The following WDR47 variants were observed in gnomAD, a reference collection of about 807,000 sequenced individuals.
WDR47 encodes the protein WD repeat domain 47, also known as WD repeat-containing protein 47.
A neutral mutation model predicts 97.2 loss-of-function variants in WDR47; 32 were observed. That is an observed-to-expected ratio of 0.33 (90% CI 0.25 to 0.44). WDR47 has a LOEUF of 0.44. Ranked by LOEUF, WDR47 falls within the 20% of genes least tolerant of loss-of-function variation. The pLI is 1.00. For missense variants in WDR47, 782 were observed against 1,102.3 expected (o/e 0.71, Z 4.11); for synonymous variants, 375 against 373.5 (o/e 1.00, Z -0.05).
chr1:108,978,003 A>C (rs1023158406), intron 13 of WDR47, among the ~76,000 whole-genome samples: 14 of 151,010 alleles, frequency 9.3e-5, no homozygotes, highest in African/African-American at 3.4e-4. Flanking sequence ...AAAAAAAAAG[A>C]ACTCTTTTTA....
At chr1:108,978,304 T>C (rs1426962969) in intron 13 of WDR47, among the ~76,000 whole-genome samples, 6 of 151,498 alleles carry the variant, frequency 4.0e-5, no homozygotes, top group Non-Finnish European at 8.8e-5. Flanking sequence ...TGAAACCCCG[T>C]CTCTACTAAA....
At chr1:109,040,992 A>T (rs1044950836) in intron 1 of WDR47, among the ~76,000 whole-genome samples, 3 of 151,410 alleles carry the variant, frequency 2.0e-5, no homozygotes, top group Non-Finnish European at 4.4e-5. Flanking sequence ...TTCATTATGC[A>T]GAGAAAACCA....
chr1:109,038,129 T>A (rs572139816), intron 1 of WDR47, among the ~76,000 whole-genome samples: 2 of 152,018 alleles, frequency 1.3e-5, no homozygotes, highest in African/African-American at 4.8e-5. Context: ...ATGAGCCACC[T>A]CGCCCAGCCC....
chr1:109,017,098 C>G (rs1661472530), intron 3 of WDR47, among the ~76,000 whole-genome samples: 1 of 152,132 alleles, frequency 6.6e-6, no homozygotes, highest in South Asian at 2.1e-4. Flanking sequence ...GGTGGTAGAA[C>G]AAGAACCTGT....
intron 8 of WDR47, 127 bp downstream of exon 8, chr1:108,995,453 T>C (rs1237737606): frequency 6.4e-6 from 7 of 1,087,570 alleles, no homozygotes; most frequent in African/African-American, 4.8e-5. Context: ...GAAGGCAGAT[T>C]AGGAAAAAAA....
chr1:109,006,353 A>G (rs60993967), intron 5 of WDR47, among the ~76,000 whole-genome samples: 60,807 of 146,056 alleles, frequency 0.42, 12,757 homozygotes, highest in East Asian at 0.68. Context: ...AGATCGCGCC[A>G]TTGCAGTCCA....
chr1:109,041,104 T>C (rs550282415), intron 1 of WDR47, among the ~76,000 whole-genome samples: 29 of 151,556 alleles, frequency 1.9e-4, no homozygotes, highest in African/African-American at 6.5e-4. Context: ...AAAGCCCAAA[T>C]GCCGCCCCGG....
chr1:108,992,404 A>C, intron 8 of WDR47: 1 of 1,605,524 alleles, frequency 6.2e-7, no homozygotes, highest in Non-Finnish European at 8.5e-7. Flanking sequence ...GTATGCATAT[A>C]CGAAAAGCCA....
intron 14 of WDR47, among the ~76,000 whole-genome samples, chr1:108,971,871 C>T (rs938599451): frequency 6.6e-6 from 1 of 152,114 alleles, no homozygotes; most frequent in Non-Finnish European, 1.5e-5. Context: ...TTTCCCTTTT[C>T]TTCTTGACGT....
At chr1:109,022,441 A>G (rs908934755) in intron 2 of WDR47, among the ~76,000 whole-genome samples, 1 of 4,750 alleles carries the variant, frequency 2.1e-4, no homozygotes, top group Non-Finnish European at 4.9e-3. Flanking sequence ...TTACCTTTTC[A>G]AAGTCCGATT....
At chr1:108,989,414 T>C (rs2101849201) in intron 9 of WDR47, among the ~76,000 whole-genome samples, 1 of 152,186 alleles carries the variant, frequency 6.6e-6, no homozygotes, top group East Asian at 1.9e-4. Flanking sequence ...CTTGCAGGAG[T>C]AGGGGGGCAA....
At chr1:109,031,635 T>A (rs1662608138) in intron 1 of WDR47, among the ~76,000 whole-genome samples, 1 of 138,900 alleles carries the variant, frequency 7.2e-6, no homozygotes, top group South Asian at 2.3e-4. Flanking sequence ...TTAAAAATAA[T>A]AAAACATAAA....
At position 109,002,322 on chromosome 1, in the gene WDR47, T is replaced by C. The variant is rs1660276790; in HGVS notation, c.1335A>G (p.Gln445=). ...RYQQHLEQKE[Q]QRQIYQQMLL... is the part of the protein sequence containing the mutation. Reference sequence around the variant, plus strand: ...ACATCTGTTGGTATATCTGCCGCTGTTGCTCCTTCTGTTCTAAATGCTGTT... The same window carrying C: ...ACATCTGTTGGTATATCTGCCGCTGCTGCTCCTTCTGTTCTAAATGCTGTT... Residue 445 remains glutamine (Q), a synonymous_variant, in exon 7 of 15, where the codon CAA becomes CAG. Transcript: ENST00000369962. 3 of 1,613,324 alleles carry C rather than the reference T, an allele frequency of 1.9e-6. No individual in the cohort carries two copies. The highest frequency in any genetic ancestry group is 1.7e-5 in the Admixed American group (1 of 59,966).
At chr1:109,025,871 A>C (rs183505655) in intron 1 of WDR47, among the ~76,000 whole-genome samples, 2 of 152,316 alleles carry the variant, frequency 1.3e-5, no homozygotes, top group Non-Finnish European at 2.9e-5. Context: ...CAGAGTAAGA[A>C]TATGTCTGTC....
intron 1 of WDR47, among the ~76,000 whole-genome samples, chr1:109,036,550 A>C (rs941720115): frequency 3.3e-5 from 5 of 150,252 alleles, no homozygotes; most frequent in Admixed American, 6.7e-5. Context: ...AAAAAAAAAA[A>C]CATAGTCCAG....
chr1:109,004,459 T>C, intron 6 of WDR47, 133 bp downstream of exon 6: 2 of 1,123,706 alleles, frequency 1.8e-6, no homozygotes, highest in Non-Finnish European at 2.4e-6. Context: ...GAAAATAAGC[T>C]AATAATAAGA....
At chr1:108,981,287 G>A (rs768343750) in intron 13 of WDR47, among the ~76,000 whole-genome samples, 36 of 151,986 alleles carry the variant, frequency 2.4e-4, no homozygotes, top group Non-Finnish European at 4.1e-4. Context: ...CAGGAGAAGG[G>A]AGATTAGGGT....
In WDR47 at chr1:109,040,515, CA is replaced by C. The variant is rs201756033; in HGVS notation, c.-10+1346del. On this transcript the variant is annotated intron_variant, in intron 1 of 14. Transcript: ENST00000369962. ...GATAAACACAGGTTAAAATCCCGTC[CA>C]AAAAAAAAAAAAAATTTACATCTTC... 4.4e-3 allele frequency among the ~76,000 whole-genome samples: 556 copies of C among 125,398 alleles called. 1 individual carries two copies. Among genetic ancestry groups the C allele is most frequent in the African/African-American group, 4.0e-3 (137 of 33,896 alleles). The allele number at this position is 125,398 out of a possible 152,430, so 82.3% of individuals were successfully genotyped here. A position where few individuals can be genotyped will look rare whatever the true frequency, so the allele number is the denominator to read the frequency against.
Position 109,011,072 on chromosome 1 carries a change from G to C in WDR47, c.974C>G (p.Thr325Ser), listed in dbSNP as rs1412144193. ...PALDGLTCGL[T>S]SHDKRISDLG... ...GTCTGAAATTCTCTTATCATGACTG[G>C]TTAGTCCACAGGTGAGGCCATCTAA... Residue 325 changes from threonine to serine, a missense_variant, in exon 5 of 15, where the codon ACC (threonine) becomes AGC (serine). Around this residue, in one of 3 missense-constraint regions of WDR47, gnomAD observed 428 missense variants for 584.3 expected, o/e 0.73. Transcript: ENST00000369962. The C allele has an allele frequency of 1.2e-6, 2 of 1,614,108 alleles. No homozygotes were observed. The highest frequency in any genetic ancestry group is 1.7e-6 in the Non-Finnish European group (2 of 1,180,032).
Sources: allele counts gnomAD v4.1 joint callset (sites outside exome capture counted in the v4.1 genomes callset), GRCh38; gene constraint gnomAD v4.1.1; regional missense constraint gnomAD v4.1.1; transcripts MANE v1.5; gene names NCBI Gene and HGNC (gene_info 2026-07-23, HGNC 2026-07-21).